The following RDX variants were observed in gnomAD, a reference collection of about 807,000 sequenced individuals.
RDX encodes radixin, also known as deafness, autosomal recessive 24.
RDX carries 32 observed loss-of-function variants against 83.7 expected under a neutral mutation model. The observed-to-expected ratio is 0.38, with a 90% CI of 0.29 to 0.51. The LOEUF is 0.51. Among genes scored for constraint, RDX ranks in the 20% least tolerant of loss-of-function variants. The probability of loss-of-function intolerance (pLI) is 0.87; values close to 1 mark genes in which losing one functional copy is unlikely to be tolerated. For missense variants in RDX, 600 were observed against 689.9 expected, an observed-to-expected ratio of 0.87 and a Z score of 1.46; for synonymous variants, 229 against 222.7, an observed-to-expected ratio of 1.03 and a Z score of -0.25.
chr11:110,224,960 A>G (rs994328866), downstream of RDX, among the ~76,000 whole-genome samples: 1 of 152,146 alleles, frequency 6.6e-6, no homozygotes, highest in Non-Finnish European at 1.5e-5. Context: ...GCCTTCCCAA[A>G]GCTACCAGTT....
chr11:110,276,226 T>C (rs933086836), intron 2 of RDX, among the ~76,000 whole-genome samples: 3 of 152,228 alleles, frequency 2.0e-5, no homozygotes, highest in Non-Finnish European at 2.9e-5. Context: ...AATCTCCATA[T>C]GAATGAAAAT....
At chr11:110,234,918 A>T (rs1010894067) in intron 12 of RDX, among the ~76,000 whole-genome samples, 1 of 152,234 alleles carries the variant, frequency 6.6e-6, no homozygotes, top group Non-Finnish European at 1.5e-5. Flanking sequence ...TAAAAAAATT[A>T]TCTTTTCAGT....
At chr11:110,182,232 G>A (rs1862902159) in intron 15 of RDX, among the ~76,000 whole-genome samples, 2 of 152,220 alleles carry the variant, frequency 1.3e-5, no homozygotes, top group Non-Finnish European at 2.9e-5. Flanking sequence ...GCTCCAGGAG[G>A]GCAGAGACGC....
chr11:110,257,738 C>T (rs1434328581), intron 7 of RDX, 29 bp downstream of exon 7: 8 of 1,605,618 alleles, frequency 5.0e-6, no homozygotes, highest in South Asian at 1.1e-5. Context: ...TGAACAATGA[C>T]TAGTTCACTA....
At chr11:110,261,674 A>T (rs1033598314) in intron 5 of RDX, among the ~76,000 whole-genome samples, 2 of 152,226 alleles carry the variant, frequency 1.3e-5, no homozygotes, top group African/African-American at 4.8e-5. Flanking sequence ...TTAAGATAAC[A>T]TGGCTTGAAT....
intron 15 of RDX, among the ~76,000 whole-genome samples, chr11:110,191,988 T>A (rs991060763): frequency 6.6e-6 from 1 of 152,172 alleles, no homozygotes; most frequent in East Asian, 1.9e-4. Context: ...TTCAATACTA[T>A]CCCTATCAAA....
intron 14 of RDX, among the ~76,000 whole-genome samples, chr11:110,215,100 C>A (rs1286214591): frequency 6.7e-6 from 1 of 148,252 alleles, no homozygotes; most frequent in African/African-American, 2.5e-5. Flanking sequence ...GTGGCTTATG[C>A]CTGTGATCCC....
At chr11:110,274,597 T>A (rs1371782113) in intron 2 of RDX, among the ~76,000 whole-genome samples, 2 of 152,158 alleles carry the variant, frequency 1.3e-5, no homozygotes, top group African/African-American at 4.8e-5. Context: ...GCTCAAGCGA[T>A]CCTACCGCCT....
chr11:110,257,739 TA>T, intron 7 of RDX, 27 bp downstream of exon 7: 1 of 1,609,470 alleles, frequency 6.2e-7, no homozygotes, highest in Non-Finnish European at 8.5e-7. Flanking sequence ...GAACAATGAC[TA>T]GTTCACTATG....
chr11:110,176,748 A>T (rs1170160143), intron 15 of RDX, among the ~76,000 whole-genome samples: 1 of 152,210 alleles, frequency 6.6e-6, no homozygotes. Flanking sequence ...GAGGCCTAGC[A>T]GGAAGTTAGA....
chr11:110,223,232 G>A (rs1275480645), intron 14 of RDX, among the ~76,000 whole-genome samples: 3 of 151,936 alleles, frequency 2.0e-5, no homozygotes, highest in Admixed American at 1.3e-4. Context: ...GGCGCCTGTG[G>A]TCCCAGCTGC....
chr11:110,294,464 T>C lies in RDX; in HGVS notation c.-65+2003A>G, dbSNP rs971782674. On this transcript the variant is annotated intron_variant, in intron 1 of 13. Coordinates refer to ENST00000645495, the MANE Select transcript of RDX (RefSeq NM_002906.4). ...GATAAATCTTTTGACTCTAGCTCTT[T>C]AGAGGATCTAAAGTGACCTTGATGG... is the stretch of plus-strand genomic sequence containing the variant. 1.3e-3 allele frequency among the ~76,000 whole-genome samples: 198 copies of C among 152,178 alleles called. 2 individuals are homozygous for C. Among genetic ancestry groups the C allele is most frequent in the Admixed American group, 0.013 (191 of 15,268 alleles).
chr11:110,204,434 T>C (rs1863526092), intron 14 of RDX, among the ~76,000 whole-genome samples: 1 of 151,596 alleles, frequency 6.6e-6, no homozygotes, highest in African/African-American at 2.4e-5. Flanking sequence ...GAAGACTTGG[T>C]GGAAAGACAC....
chr11:110,257,666 G>C (rs1256166680), intron 7 of RDX, 101 bp downstream of exon 7: 3 of 1,175,962 alleles, frequency 2.6e-6, no homozygotes, highest in African/African-American at 3.0e-5. Context: ...AAATAGTAAG[G>C]GTAATCAAGA....
intron 15 of RDX, among the ~76,000 whole-genome samples, chr11:110,191,129 A>G (rs548067860): frequency 1.3e-5 from 2 of 152,342 alleles, no homozygotes; most frequent in South Asian, 4.1e-4. Flanking sequence ...CCTGGCAAAG[A>G]CACAACAAAA....
At chr11:110,217,263 C>T (rs77754992) in intron 14 of RDX, among the ~76,000 whole-genome samples, 1 of 152,036 alleles carries the variant, frequency 6.6e-6, no homozygotes, top group African/African-American at 2.4e-5. Flanking sequence ...TTTTACAGGT[C>T]GGGGATGGTT....
At chr11:110,240,559 C>G (rs573345585) in intron 10 of RDX, among the ~76,000 whole-genome samples, 1 of 150,544 alleles carries the variant, frequency 6.6e-6, no homozygotes, top group East Asian at 2.0e-4. Context: ...CTGGCTAACA[C>G]GGTGAAACCC....
chr11:110,285,954 C>T (rs1860964348), intron 1 of RDX, among the ~76,000 whole-genome samples: 1 of 151,624 alleles, frequency 6.6e-6, no homozygotes, highest in South Asian at 2.1e-4. Context: ...AAATAAATTG[C>T]CTAAACCATT....
chr11:110,215,797 A>G (rs1409707721), intron 14 of RDX, among the ~76,000 whole-genome samples: 1 of 152,216 alleles, frequency 6.6e-6, no homozygotes, highest in Non-Finnish European at 1.5e-5. Context: ...CCAAAATCCA[A>G]ATGCGGAGTT....
Sources: allele counts gnomAD v4.1 joint callset (sites outside exome capture counted in the v4.1 genomes callset), GRCh38; gene constraint gnomAD v4.1.1; transcripts MANE v1.5; gene names NCBI Gene and HGNC (gene_info 2026-07-23, HGNC 2026-07-21).